The following USH1C variants were observed in gnomAD, a reference collection of about 807,000 sequenced individuals.
USH1C encodes the protein USH1 protein network component harmonin, also known as harmonin.
In USH1C, 90 loss-of-function variants were observed where a neutral mutation model predicts 119.3. The observed-to-expected ratio is 0.75, with a 90% CI of 0.64 to 0.90. USH1C has a LOEUF of 0.90. Among genes scored for constraint, USH1C ranks in the 40% least tolerant of loss-of-function variants. The pLI is 0.00. For missense variants in USH1C, 1,165 were observed against 1,167.7 expected (o/e 1.00, Z 0.03); for synonymous variants, 465 against 443.3 (o/e 1.05, Z -0.62).
chr11:17,544,408 C>A lies in USH1C; in HGVS notation c.-101G>T, dbSNP rs1046028494. On this transcript the variant is annotated 5_prime_UTR_variant, in exon 1 of 27. The change creates a new upstream start codon in the 5' untranslated region. Transcript: ENST00000005226. ...CGCGACCGCGACCGGGCCAGCCGCCCTCGGAGCTGGGGGCGGGGCCTGAGC... is the reference window on the plus strand; with the variant it reads ...CGCGACCGCGACCGGGCCAGCCGCCATCGGAGCTGGGGGCGGGGCCTGAGC... The A allele has an allele frequency of 6.4e-7, 1 of 1,558,688 alleles. No homozygotes were observed. Among genetic ancestry groups the A allele is most frequent in the Non-Finnish European group, 8.8e-7 (1 of 1,139,196 alleles).
In USH1C at chr11:17,505,791, T is replaced by C. The variant is rs758175455; in HGVS notation, c.2133+39A>G. 11 of 1,613,414 alleles carry C rather than the reference T, an allele frequency of 6.8e-6. No homozygotes were observed. The South Asian group carries it at 1.1e-4, about 16-fold the overall frequency. ...CCCAGGGGAGGTAGCCCTGGTCTGC[T>C]CCTCTAGAGACAACCTGGAGGGGAC... On this transcript the variant is annotated intron_variant, in intron 19 of 26. Transcript: ENST00000005226.
intron 23 of USH1C, 151 bp from the exon 24 acceptor site, chr11:17,498,422 A>G (rs1294758149): frequency 2.6e-6 from 2 of 779,170 alleles, no homozygotes; most frequent in Non-Finnish European, 4.6e-6. Flanking sequence ...ATGAGGGGAA[A>G]CTAGCCACCT....
At chr11:17,496,935 C>A in intron 24 of USH1C, 122 bp from the exon 25 acceptor site, 3 of 1,148,262 alleles carry the variant, frequency 2.6e-6, no homozygotes, top group South Asian at 1.4e-5. Context: ...CTTCTTCCCA[C>A]GGGCCCACCT....
intron 15 of USH1C, among the ~76,000 whole-genome samples, chr11:17,512,915 G>C (rs939027611): frequency 1.3e-5 from 2 of 152,132 alleles, no homozygotes; most frequent in African/African-American, 4.8e-5. Context: ...TAGACCCACC[G>C]AGCCTGCATT....
chr11:17,505,853 G>A lies in USH1C; in HGVS notation c.2110C>T (p.Pro704Ser). The A allele has an allele frequency of 1.2e-6, 2 of 1,614,158 alleles. No individual in the cohort carries two copies. Among genetic ancestry groups the A allele is most frequent in the Non-Finnish European group, 1.7e-6 (2 of 1,180,010 alleles). The change falls in exon 19 of 27, where the codon CCA becomes TCA. Residue 704 changes from proline to serine, a missense_variant. Pro to Ser is a moderately conservative substitution (Grantham distance 74, BLOSUM62 -1). Coordinates refer to ENST00000005226, the MANE Select transcript of USH1C (RefSeq NM_153676.4). ...VHQEPNFIYR[P>S]AVKSEVLPQE... ...ACCAGAACTTCAGATTTCACAGCTG[G>A]CCTGTAGATGAAATTGGGCTCCTGG...
intron 1 of USH1C, 64 bp downstream of exon 1, chr11:17,544,207 AC>A: frequency 6.2e-7 from 1 of 1,606,010 alleles, no homozygotes; most frequent in South Asian, 1.1e-5. Flanking sequence ...CGGGGTGTCC[AC>A]CCCCTACCCA....
At chr11:17,533,843 G>A (rs1306692205) in intron 1 of USH1C, 8 of 443,124 alleles carry the variant, frequency 1.8e-5, no homozygotes, top group Non-Finnish European at 3.7e-5. Context: ...AGTGCCAGGG[G>A]ACCTTCACTC....
chr11:17,510,460 C>T lies in USH1C; in HGVS notation c.1475G>A (p.Arg492Lys). The T allele has an allele frequency of 6.2e-7, 1 of 1,613,404 alleles. No homozygotes were observed. Among genetic ancestry groups the T allele is most frequent in the Non-Finnish European group, 8.5e-7 (1 of 1,179,950 alleles). Residue 492 changes from arginine to lysine, a missense_variant, in exon 17 of 27, where the codon AGG (arginine) becomes AAG (lysine). Transcript: ENST00000005226. ...ESEKIQYWVERLCQTRLEQIS... is the reference protein window; with the variant it reads ...ESEKIQYWVEKLCQTRLEQIS... ...CTGCTCGAGGCGCGTTTGACAGAGC[C>T]TCTCCACCCAATATTGAATCTTTTC...
intron 6 of USH1C, 39 bp downstream of exon 6, chr11:17,526,977 C>T (rs963192283): frequency 3.8e-6 from 6 of 1,563,168 alleles, no homozygotes; most frequent in Admixed American, 1.9e-5. Flanking sequence ...ATCCTGGGCC[C>T]ACAGGGAAGA....
At chr11:17,504,802 A>T in intron 19 of USH1C, 105 bp from the exon 20 acceptor site, 1 of 1,179,778 alleles carries the variant, frequency 8.5e-7, no homozygotes, top group Non-Finnish European at 1.2e-6. Context: ...CTGCCGTGCC[A>T]ATGTCCCTCC....
Position 17,498,275 on chromosome 11 carries a change from C to G in USH1C, c.2381-4G>C. ...TCGTCCCCTTTCACAATGCCACCTG[C>G]AGGCAGATGAGGCTGATTGGCCAAC... On this transcript the variant is annotated splice_polypyrimidine_tract_variant and splice_region_variant and intron_variant, in intron 23 of 26. Coordinates refer to ENST00000005226, the MANE Select transcript of USH1C (RefSeq NM_153676.4). 3 of 1,614,016 alleles carry G rather than the reference C, an allele frequency of 1.9e-6. 1 individual carries two copies. The South Asian group carries it at 3.3e-5, about 18-fold the overall frequency.
At chr11:17,510,594 T>C in intron 16 of USH1C, 73 bp from the exon 17 acceptor site, 2 of 1,126,448 alleles carry the variant, frequency 1.8e-6, no homozygotes, top group Non-Finnish European at 1.3e-6. Flanking sequence ...AGAAATAGCA[T>C]GAAAGCACTC....
rs564221596 is a variant in USH1C, at chr11:17,504,910, C to A, written c.2134-213G>T. On this transcript the variant is annotated intron_variant, in intron 19 of 26. Coordinates refer to ENST00000005226, the MANE Select transcript of USH1C (RefSeq NM_153676.4). ...CCACCCCTTGATATTAGCCAGAGAA[C>A]ATGACATGGATGCATCCGCAGGCTG... 6.6e-5 allele frequency among the ~76,000 whole-genome samples: 10 copies of A among 152,360 alleles called. No homozygotes were observed. The East Asian group carries it at 1.7e-3, about 26-fold the overall frequency.
intron 23 of USH1C, among the ~76,000 whole-genome samples, chr11:17,500,279 G>A (rs750735428): frequency 7.2e-5 from 11 of 152,186 alleles, no homozygotes; most frequent in East Asian, 1.9e-4. Context: ...CACTTGTGCC[G>A]GACAGTAAAG....
chr11:17,527,045 G>C lies in USH1C; in HGVS notation c.497-5C>G, dbSNP rs749319911. 5 of 1,554,170 alleles carry C rather than the reference G, an allele frequency of 3.2e-6. No individual in the cohort carries two copies. The Admixed American group carries it at 5.8e-5, about 18-fold the overall frequency. The stretch of plus-strand genomic sequence containing the variant: ...TCACGGGGATCAGGCCGATGTCTGC[G>C]GGAGAAAGGCACAGGGGTTAGGACA... On this transcript the variant is annotated splice_polypyrimidine_tract_variant and splice_region_variant and intron_variant, in intron 5 of 26. Coordinates refer to ENST00000005226, the MANE Select transcript of USH1C (RefSeq NM_153676.4).
At chr11:17,516,052 A>G (rs1036475035) in intron 15 of USH1C, among the ~76,000 whole-genome samples, 189 bp downstream of exon 15, 8 of 152,322 alleles carry the variant, frequency 5.3e-5, no homozygotes, top group Middle Eastern at 3.4e-3. Context: ...CCCTCTCCCA[A>G]TGTTGCCTTT....
chr11:17,500,978 G>C, intron 23 of USH1C, 73 bp downstream of exon 23: 1 of 1,337,182 alleles, frequency 7.5e-7, no homozygotes, highest in Non-Finnish European at 1.1e-6. Flanking sequence ...GTGGTCACCT[G>C]TTTGCTTTCC....
rs1473778309 is a variant in USH1C, at chr11:17,522,929, C to G, written c.877-3G>C. 2 of 1,610,332 alleles carry G rather than the reference C, an allele frequency of 1.2e-6. No homozygotes were observed. The highest frequency in any genetic ancestry group is 1.7e-6 in the Non-Finnish European group (2 of 1,178,548). On this transcript the variant is annotated splice_polypyrimidine_tract_variant and splice_region_variant and intron_variant, in intron 11 of 26. Coordinates refer to ENST00000005226, the MANE Select transcript of USH1C (RefSeq NM_153676.4). ...TCTGTCATGAACAGCTCCCGGCCCTCATGGGAGAAAAGAGGCCCCTTGCTC... is the reference window on the plus strand; with the variant it reads ...TCTGTCATGAACAGCTCCCGGCCCTGATGGGAGAAAAGAGGCCCCTTGCTC...
At chr11:17,522,662 G>C in intron 12 of USH1C, 122 bp downstream of exon 12, 1 of 1,448,974 alleles carries the variant, frequency 6.9e-7, no homozygotes, top group Non-Finnish European at 9.6e-7. Flanking sequence ...TCTGGTCTGA[G>C]GACTGGCCTC....
Sources: allele counts gnomAD v4.1 joint callset (sites outside exome capture counted in the v4.1 genomes callset), GRCh38; gene constraint gnomAD v4.1.1; transcripts MANE v1.5; gene names NCBI Gene and HGNC (gene_info 2026-07-23, HGNC 2026-07-21).